Variants in PTPN14 observed in about 807,000 individuals in gnomAD.
PTPN14 encodes tyrosine-protein phosphatase non-receptor type 14.
A neutral mutation model predicts 126.8 loss-of-function variants in PTPN14; 53 were observed. The observed-to-expected ratio is 0.42, with a 90% CI of 0.34 to 0.53. The LOEUF is 0.53. Among genes scored for constraint, PTPN14 ranks in the 20% least tolerant of loss-of-function variants. The pLI is 0.08. For missense variants in PTPN14, 1,257 were observed against 1,552.9 expected (o/e 0.81, Z 3.20); for synonymous variants, 630 against 599.3 (o/e 1.05, Z -0.75).
Position 214,357,776 on chromosome 1 carries a change from T to C in PTPN14, c.*146A>G. On this transcript the variant is annotated 3_prime_UTR_variant, in exon 19 of 19. Coordinates refer to ENST00000366956, the MANE Select transcript of PTPN14 (RefSeq NM_005401.5). ...CTCATATAAAATAATACATGGTATG[T>C]GTGAATAATCTTGGCTACTGTCTTC... The C allele has an allele frequency of 1.7e-6, 1 of 593,424 alleles. No individual in the cohort carries two copies. 36.8% of individuals were successfully genotyped at this position (593,424 alleles called of 1,614,324 possible).
Position 214,464,597 on chromosome 1 carries a change from G to C in PTPN14, c.174+33C>G, listed in dbSNP as rs202193414. The C allele has an allele frequency of 1.6e-5, 25 of 1,604,464 alleles. No homozygotes were observed. The African/African-American group carries it at 3.3e-4, about 21-fold the overall frequency. On this transcript the variant is annotated intron_variant, in intron 2 of 18. Transcript: ENST00000366956. ...CTTCACATACCCAACACGCATGCAC[G>C]CGCACATGCGCACACAGACACACCC...
intron 1 of PTPN14, among the ~76,000 whole-genome samples, chr1:214,488,886 T>C (rs1661171909): frequency 1.3e-5 from 2 of 152,362 alleles, no homozygotes; most frequent in Admixed American, 1.3e-4. Flanking sequence ...TTGACCTCTC[T>C]GCTATGTTGC....
At chr1:214,458,911 T>C (rs892689942) in intron 2 of PTPN14, among the ~76,000 whole-genome samples, 1 of 152,192 alleles carries the variant, frequency 6.6e-6, no homozygotes, top group Non-Finnish European at 1.5e-5. Flanking sequence ...TTAAACCCAC[T>C]GATGCAGACA....
At chr1:214,381,308 T>C (rs1208101213) in intron 13 of PTPN14, among the ~76,000 whole-genome samples, 1 of 152,234 alleles carries the variant, frequency 6.6e-6, no homozygotes, top group Non-Finnish European at 1.5e-5. Flanking sequence ...CTTAGACTGA[T>C]AGGTTCTTGA....
At chr1:214,522,412 A>G (rs1161136345) in intron 1 of PTPN14, among the ~76,000 whole-genome samples, 1 of 152,218 alleles carries the variant, frequency 6.6e-6, no homozygotes, top group Non-Finnish European at 1.5e-5. Context: ...TTTCAAAAAC[A>G]GTAACTTGCA....
chr1:214,532,846 C>A, intron 1 of PTPN14: 1 of 994,430 alleles, frequency 1.0e-6, no homozygotes, highest in Non-Finnish European at 1.6e-6. Context: ...ACTAAAAGGC[C>A]TACAAGCCCA....
At chr1:214,425,683 A>T (rs753600127) in intron 3 of PTPN14, among the ~76,000 whole-genome samples, 45 of 152,298 alleles carry the variant, frequency 3.0e-4, no homozygotes, top group Middle Eastern at 3.4e-3. Context: ...AACACACCAC[A>T]TGTCTATCAA....
At position 214,369,795 on chromosome 1, in the gene PTPN14, C is replaced by T. The variant is rs1040882957; in HGVS notation, c.3037-104G>A. The T allele has an allele frequency of 6.8e-6, 7 of 1,025,388 alleles. No individual in the cohort carries two copies. In the South Asian group the frequency reaches 7.0e-5, roughly 10 times the overall value. 63.5% of individuals were successfully genotyped at this position (1,025,388 alleles called of 1,614,324 possible). ...AAGAAAATGCAAATAGCTTCTAAATCGCTAGTTCAGTAGCACTCTGCAGTG... is the reference window on the plus strand; with the variant it reads ...AAGAAAATGCAAATAGCTTCTAAATTGCTAGTTCAGTAGCACTCTGCAGTG... On this transcript the variant is annotated intron_variant, in intron 16 of 18. Transcript: ENST00000366956.
At chr1:214,457,357 C>G (rs1264842549) in intron 2 of PTPN14, among the ~76,000 whole-genome samples, 2 of 152,196 alleles carry the variant, frequency 1.3e-5, no homozygotes, top group Non-Finnish European at 2.9e-5. Context: ...AACCAAGGCT[C>G]TTAGGCTTAG....
chr1:214,447,113 T>C (rs1660161050), intron 3 of PTPN14, among the ~76,000 whole-genome samples: 2 of 152,200 alleles, frequency 1.3e-5, no homozygotes, highest in Non-Finnish European at 2.9e-5. Flanking sequence ...GCCTGGTAAC[T>C]GGGATAACAG....
In PTPN14 at chr1:214,398,472, A is replaced by T. The variant is rs562202860; in HGVS notation, c.670-471T>A. 1.8e-3 allele frequency among the ~76,000 whole-genome samples: 271 copies of T among 152,280 alleles called. 1 individual carries two copies. Among genetic ancestry groups the T allele is most frequent in the African/African-American group, 6.3e-3 (261 of 41,546 alleles). The stretch of plus-strand genomic sequence containing the variant: ...TGTTGTTGTTTGTTTGTTTTGAAAC[A>T]AGGTCTCACTGTTGCCCAGGGTGGA... On this transcript the variant is annotated intron_variant, in intron 7 of 18. Coordinates refer to ENST00000366956, the MANE Select transcript of PTPN14 (RefSeq NM_005401.5).
At position 214,350,366 on chromosome 1, in the gene PTPN14, A is replaced by G. The variant is rs1276862827; in HGVS notation, c.*7556T>C. ...TCTCAATCTATATAAGTTCACCTCG[A>G]AATACATATTAAGTACTGCTGTCAT... is the stretch of plus-strand genomic sequence containing the variant. On this transcript the variant is annotated 3_prime_UTR_variant, in exon 19 of 19. Transcript: ENST00000366956. 6 of 152,150 alleles carry G rather than the reference A, an allele frequency of 3.9e-5. No individual in the cohort carries two copies. 9.4% of individuals were successfully genotyped at this position (152,150 alleles called of 1,614,324 possible).
chr1:214,516,088 A>G (rs1571638433), intron 1 of PTPN14, among the ~76,000 whole-genome samples: 1 of 151,992 alleles, frequency 6.6e-6, no homozygotes. Flanking sequence ...CCTCCACCTC[A>G]CCCCAGAGGA....
rs756781711 is a variant in PTPN14 at position 214,355,263 on chromosome 1, A to C, written c.*2659T>G. 1.3e-5 allele frequency: 2 copies of C among 152,208 alleles called. No homozygotes were observed. The highest frequency in any genetic ancestry group is 2.9e-5 in the Non-Finnish European group (2 of 68,044). 9.4% of individuals were successfully genotyped at this position (152,208 alleles called of 1,614,324 possible). On this transcript the variant is annotated 3_prime_UTR_variant, in exon 19 of 19. Transcript: ENST00000366956. Reference sequence around the variant, plus strand: ...ATTTCAGGGAAGCCCATGAGCTCTGACGACCTCAAAGACGCACCAGATCTA... The same window carrying C: ...ATTTCAGGGAAGCCCATGAGCTCTGCCGACCTCAAAGACGCACCAGATCTA...
chr1:214,490,739 C>A (rs1413957671), intron 1 of PTPN14, among the ~76,000 whole-genome samples: 3 of 149,548 alleles, frequency 2.0e-5, no homozygotes, highest in African/African-American at 7.4e-5. Flanking sequence ...TCGGAGGCTA[C>A]AGCAGAAGAA....
chr1:214,479,907 T>TTAAG (rs75393653), intron 1 of PTPN14, among the ~76,000 whole-genome samples: 13,766 of 152,246 alleles, frequency 0.09, 622 homozygotes, highest in South Asian at 0.12. Context: ...ATCATTTTAA[T>TTAAG]TATGTTTAAT....
At chr1:214,423,344 A>T (rs1457302084) in intron 3 of PTPN14, among the ~76,000 whole-genome samples, 2 of 152,042 alleles carry the variant, frequency 1.3e-5, no homozygotes, top group African/African-American at 4.8e-5. Flanking sequence ...CCCCCCAAAA[A>T]AGAAAGATAA....
chr1:214,547,481 G>C (rs1656001234), intron 1 of PTPN14, among the ~76,000 whole-genome samples: 1 of 152,040 alleles, frequency 6.6e-6, no homozygotes, highest in Non-Finnish European at 1.5e-5. Flanking sequence ...ATGATTTAAC[G>C]TTTGTCAAAT....
chr1:214,455,586 G>A (rs955443647), intron 2 of PTPN14, among the ~76,000 whole-genome samples: 1 of 152,078 alleles, frequency 6.6e-6, no homozygotes, highest in Non-Finnish European at 1.5e-5. Context: ...GCAATGATGA[G>A]AAAAGAAGAC....
Sources: gnomAD v4.1 joint callset for allele counts (sites outside exome capture counted in the v4.1 genomes callset) on GRCh38, gnomAD v4.1.1 for gene constraint, MANE v1.5 for transcripts, NCBI Gene and HGNC (gene_info 2026-07-23, HGNC 2026-07-21) for gene names.